FLNB: variants seen among roughly 807,000 people sequenced by gnomAD.
The protein encoded by FLNB is filamin-B.
In FLNB, 111 loss-of-function variants were observed where a neutral mutation model predicts 250.6. That is an observed-to-expected ratio of 0.44 (90% CI 0.38 to 0.52). The LOEUF is 0.52. Ranked by LOEUF, FLNB falls within the 20% of genes least tolerant of loss-of-function variation. FLNB has a pLI of 0.00. For missense variants in FLNB, 2,869 were observed against 3,447.8 expected (o/e 0.83, Z 4.20); for synonymous variants, 1,302 against 1,372.1 (o/e 0.95, Z 1.13).
At chr3:58,149,351 C>T (rs892033877) in intron 36 of FLNB, 9 of 248,972 alleles carry the variant, frequency 3.6e-5, no homozygotes, top group South Asian at 1.1e-4. Context: ...AGGATGGCCA[C>T]GCTGGTGAAT....
chr3:58,131,128 T>C (rs2097306664), intron 25 of FLNB, among the ~76,000 whole-genome samples: 1 of 152,216 alleles, frequency 6.6e-6, no homozygotes, highest in African/African-American at 2.4e-5. Flanking sequence ...ATAATATGGC[T>C]ATCAATTTCT....
At chr3:58,140,064 A>G (rs1415602330) in intron 29 of FLNB, among the ~76,000 whole-genome samples, 1 of 152,152 alleles carries the variant, frequency 6.6e-6, no homozygotes, top group Non-Finnish European at 1.5e-5. Flanking sequence ...CACCTACAGT[A>G]CCTGGTTTGG....
At chr3:58,051,457 C>T (rs1250846503) in intron 1 of FLNB, among the ~76,000 whole-genome samples, 1 of 152,124 alleles carries the variant, frequency 6.6e-6, no homozygotes, top group Non-Finnish European at 1.5e-5. Flanking sequence ...CTCTCCTTTC[C>T]CTTTCTTTGT....
rs1395362879 is a variant in FLNB at position 58,156,063 on chromosome 3, T to A, written c.6876T>A (p.Val2292=). ...APSDDARRLT[V]MSLQESGLKV... ...CCGACGACGCCCGCCGCCTCACTGT[T>A]ATGAGCCTTCAGGTGAGATGCAAGG... The change falls in exon 41 of 46, where the codon GTT becomes GTA. Residue 2292 remains valine, a synonymous_variant. Coordinates refer to ENST00000295956, the MANE Select transcript of FLNB (RefSeq NM_001457.4). 1 of 1,613,702 alleles carries A rather than the reference T, an allele frequency of 6.2e-7. No individual in the cohort carries two copies. Among genetic ancestry groups the A allele is most frequent in the Non-Finnish European group, 8.5e-7 (1 of 1,179,624 alleles).
intron 1 of FLNB, among the ~76,000 whole-genome samples, chr3:58,034,568 A>C (rs9682171): frequency 0.03 from 4,548 of 152,260 alleles, 215 homozygotes; most frequent in African/African-American, 0.1. Context: ...AGGCACTGAG[A>C]GGTTTAGTAA....
chr3:58,114,887 A>G (rs188951797), intron 18 of FLNB, among the ~76,000 whole-genome samples: 1 of 152,096 alleles, frequency 6.6e-6, no homozygotes, highest in African/African-American at 2.4e-5. Context: ...GCCCATTTTT[A>G]TATCAACCTT....
intron 17 of FLNB, 79 bp downstream of exon 17, chr3:58,111,960 G>T: frequency 1.6e-6 from 2 of 1,288,646 alleles, no homozygotes; most frequent in African/African-American, 1.5e-5. Flanking sequence ...CGGCCTTGAG[G>T]AACTTCATCT....
chr3:58,076,083 C>A (rs1481317771), intron 1 of FLNB, among the ~76,000 whole-genome samples: 1 of 152,118 alleles, frequency 6.6e-6, no homozygotes, highest in African/African-American at 2.4e-5. Flanking sequence ...CAACAGGACG[C>A]ATTTGTGTCA....
At chr3:58,056,391 G>A (rs1452737339) in intron 1 of FLNB, among the ~76,000 whole-genome samples, 2 of 150,926 alleles carry the variant, frequency 1.3e-5, no homozygotes, top group African/African-American at 4.9e-5. Context: ...GTGAGCCACC[G>A]CACCCGGCCA....
chr3:58,015,576 G>A (rs530683827), intron 1 of FLNB, among the ~76,000 whole-genome samples: 2 of 152,326 alleles, frequency 1.3e-5, no homozygotes, highest in South Asian at 4.1e-4. Flanking sequence ...CTCAGATACT[G>A]CTCAGAGGAG....
At chr3:58,092,626 A>G (rs757508455) in intron 4 of FLNB, among the ~76,000 whole-genome samples, 1 of 152,192 alleles carries the variant, frequency 6.6e-6, no homozygotes, top group Admixed American at 6.5e-5. Context: ...AGCCTGGGCT[A>G]CAGAGTGAGA....
chr3:58,038,588 T>C (rs1252245419), intron 1 of FLNB, among the ~76,000 whole-genome samples: 1 of 151,564 alleles, frequency 6.6e-6, no homozygotes, highest in Non-Finnish European at 1.5e-5. Flanking sequence ...CCATGCCCAG[T>C]TAATTAATTT....
At chr3:58,094,143 G>A (rs1019124602) in intron 4 of FLNB, among the ~76,000 whole-genome samples, 3 of 152,190 alleles carry the variant, frequency 2.0e-5, no homozygotes, top group East Asian at 1.9e-4. Context: ...CCTAGGATGC[G>A]ATCTGGGCTC....
chr3:58,158,694 C>G (rs1432129536), intron 41 of FLNB, among the ~76,000 whole-genome samples: 1 of 152,170 alleles, frequency 6.6e-6, no homozygotes, highest in Non-Finnish European at 1.5e-5. Context: ...TTGTTCTTAA[C>G]CATCTGAACT....
At chr3:58,016,668 G>T (rs941566883) in intron 1 of FLNB, among the ~76,000 whole-genome samples, 1 of 151,838 alleles carries the variant, frequency 6.6e-6, no homozygotes, top group Non-Finnish European at 1.5e-5. Flanking sequence ...GGAGGCTCCC[G>T]TGAAGGTTTG....
At chr3:58,117,480 C>T (rs1265276343) in intron 18 of FLNB, among the ~76,000 whole-genome samples, 1 of 152,104 alleles carries the variant, frequency 6.6e-6, no homozygotes, top group Non-Finnish European at 1.5e-5. Context: ...GGAGGTATCC[C>T]CAAGACCTCT....
chr3:58,045,104 C>A (rs2097151723), intron 1 of FLNB, among the ~76,000 whole-genome samples: 1 of 152,298 alleles, frequency 6.6e-6, no homozygotes, highest in East Asian at 1.9e-4. Context: ...CCATCCTGAC[C>A]TCTATTAGGT....
chr3:58,076,615 C>G (rs902379524), intron 1 of FLNB, among the ~76,000 whole-genome samples: 1 of 151,578 alleles, frequency 6.6e-6, no homozygotes, highest in African/African-American at 2.4e-5. Context: ...CCACCATGCT[C>G]GGCTAATTTT....
At chr3:58,145,701 T>C (rs1313888882) in intron 32 of FLNB, among the ~76,000 whole-genome samples, 1 of 152,174 alleles carries the variant, frequency 6.6e-6, no homozygotes, top group Admixed American at 6.5e-5. Flanking sequence ...GGATTGTTTT[T>C]CTTATGTTGT....
Sources: allele counts gnomAD v4.1 joint callset (sites outside exome capture counted in the v4.1 genomes callset), GRCh38; gene constraint gnomAD v4.1.1; transcripts MANE v1.5; gene names NCBI Gene and HGNC (gene_info 2026-07-23, HGNC 2026-07-21).